Variants in ZSCAN5A observed in about 807,000 individuals in gnomAD.
ZSCAN5A encodes the protein zinc finger and SCAN domain containing 5A.
Under a neutral mutation model 23.7 loss-of-function variants are expected in ZSCAN5A, and 12 were observed. The observed-to-expected ratio is 0.51, with a 90% CI of 0.32 to 0.82. The LOEUF (loss-of-function observed/expected upper bound fraction) is 0.82. ZSCAN5A is among the 40% of genes least tolerant of loss of function. The pLI is 0.03. For missense variants in ZSCAN5A, 597 were observed against 617.9 expected (o/e 0.97, Z 0.36); for synonymous variants, 257 against 239.9 (o/e 1.07, Z -0.66).
chr19:56,281,882 G>A (rs2038737695), intron 2 of ZSCAN5A, among the ~76,000 whole-genome samples: 1 of 152,182 alleles, frequency 6.6e-6, no homozygotes, highest in African/African-American at 2.4e-5. Flanking sequence ...GGTGGGAACG[G>A]TGCAACTGGA....
chr19:56,292,877 T>C (rs549351222), intron 2 of ZSCAN5A, among the ~76,000 whole-genome samples: 13 of 152,350 alleles, frequency 8.5e-5, no homozygotes, highest in South Asian at 4.1e-4. Context: ...TTCAGCCACA[T>C]TGTGGCCTGT....
chr19:56,353,876 G>C (rs547853158), intron 2 of ZSCAN5A, among the ~76,000 whole-genome samples: 21 of 152,204 alleles, frequency 1.4e-4, no homozygotes, highest in Admixed American at 5.2e-4. Context: ...ACAGCCCAAA[G>C]GTGGAAGCAG....
chr19:56,241,176 C>T (rs541786418), intron 2 of ZSCAN5A, among the ~76,000 whole-genome samples: 2 of 152,346 alleles, frequency 1.3e-5, no homozygotes, highest in East Asian at 1.9e-4. Context: ...AACCCGCATA[C>T]CTGCCTTTAT....
chr19:56,323,348 A>AT (rs1039263943), intron 2 of ZSCAN5A, among the ~76,000 whole-genome samples: 1 of 151,618 alleles, frequency 6.6e-6, no homozygotes, highest in African/African-American at 2.4e-5. Context: ...TGCATAGTTT[A>AT]TTTTTTGTAG....
intron 2 of ZSCAN5A, among the ~76,000 whole-genome samples, chr19:56,269,159 G>A (rs2037670644): frequency 6.6e-6 from 1 of 152,024 alleles, no homozygotes; most frequent in African/African-American, 2.4e-5. Flanking sequence ...GGACTTTCAG[G>A]GTTATACGGT....
intron 2 of ZSCAN5A, among the ~76,000 whole-genome samples, chr19:56,227,933 C>T (rs954674141): frequency 6.6e-6 from 1 of 152,026 alleles, no homozygotes; most frequent in Non-Finnish European, 1.5e-5. Flanking sequence ...TGGCATATGC[C>T]TGTAGTCCCA....
At chr19:56,307,326 C>T (rs1352788462) in intron 2 of ZSCAN5A, among the ~76,000 whole-genome samples, 1 of 152,174 alleles carries the variant, frequency 6.6e-6, no homozygotes, top group Non-Finnish European at 1.5e-5. Context: ...TGCAGTCCTG[C>T]TTAAATCCAC....
intron 2 of ZSCAN5A, among the ~76,000 whole-genome samples, chr19:56,329,158 G>A (rs1266557632): frequency 1.3e-5 from 2 of 152,012 alleles, no homozygotes; most frequent in Non-Finnish European, 2.9e-5. Flanking sequence ...AGACCAACCT[G>A]GCTAACATGG....
rs1428510529 is a variant in ZSCAN5A at position 56,351,797 on chromosome 19, C to T, written c.-358+11438G>A. Among the ~76,000 whole-genome samples the T allele has an allele frequency of 6.6e-6, 1 of 152,114 alleles. No homozygotes were observed. Among genetic ancestry groups the T allele is most frequent in the Non-Finnish European group, 1.5e-5 (1 of 68,032 alleles). On this transcript the variant is annotated intron_variant, in intron 2 of 6. Coordinates refer to the ZSCAN5A transcript ENST00000587340. The surrounding 1 kb of genome is among the most constrained non-coding windows in gnomAD (Gnocchi z 4.8). ...TGTCGCAGAACAAGAAAAGTGGTGC[C>T]GCTAAGATTGCACAGGTGCAGCGAA...
chr19:56,361,157 A>G (rs2041731471), intron 2 of ZSCAN5A, among the ~76,000 whole-genome samples: 1 of 152,244 alleles, frequency 6.6e-6, no homozygotes, highest in South Asian at 2.1e-4. Context: ...ACAATGAGAT[A>G]CCATCTCACA....
chr19:56,282,072 G>A (rs957321557), intron 2 of ZSCAN5A, among the ~76,000 whole-genome samples: 2 of 152,154 alleles, frequency 1.3e-5, no homozygotes, highest in African/African-American at 2.4e-5. Flanking sequence ...GTTAGATTGT[G>A]TGTATTTATT....
intron 2 of ZSCAN5A, among the ~76,000 whole-genome samples, chr19:56,325,900 A>C (rs2041427908): frequency 6.6e-6 from 1 of 151,866 alleles, no homozygotes; most frequent in Non-Finnish European, 1.5e-5. Flanking sequence ...ATATATTTAG[A>C]GTGTACAATG....
At chr19:56,224,022 T>A (rs1208075796) in intron 3 of ZSCAN5A, among the ~76,000 whole-genome samples, 188 bp from the exon 4 acceptor site, 1 of 151,706 alleles carries the variant, frequency 6.6e-6, no homozygotes, top group Admixed American at 6.6e-5. Context: ...CTCCAGCACC[T>A]GCCTGCGCCT....
chr19:56,311,700 T>C (rs2041048723), intron 2 of ZSCAN5A, among the ~76,000 whole-genome samples: 1 of 152,188 alleles, frequency 6.6e-6, no homozygotes, highest in African/African-American at 2.4e-5. Context: ...ACGATACATG[T>C]GCAGGCTGTG....
intron 2 of ZSCAN5A, among the ~76,000 whole-genome samples, chr19:56,333,020 A>C (rs1179364668): frequency 6.6e-6 from 1 of 152,036 alleles, no homozygotes; most frequent in Admixed American, 6.5e-5. Context: ...TTCTGCTGAG[A>C]AGTCTGCTGT....
At chr19:56,357,083 T>A (rs749711019) in intron 2 of ZSCAN5A, among the ~76,000 whole-genome samples, 8 of 148,784 alleles carry the variant, frequency 5.4e-5, no homozygotes, top group Non-Finnish European at 1.0e-4. Context: ...TAGGCCTCCA[T>A]TTTTTGGATG....
In ZSCAN5A at chr19:56,320,010, A is replaced by G; in HGVS notation, c.-357-3742T>C. On this transcript the variant is annotated intron_variant, in intron 2 of 6. Transcript: ENST00000587340. ...TGGACATTGATACTCTCTAATACAC[A>G]TGGAACATCAACAATGGTAATAAAG... 11 of 872,246 alleles carry G rather than the reference A, an allele frequency of 1.3e-5. No individual in the cohort carries two copies. The South Asian group carries it at 1.3e-4, about 10-fold the overall frequency. 54.0% of individuals were successfully genotyped at this position (872,246 alleles called of 1,614,324 possible).
intron 2 of ZSCAN5A, among the ~76,000 whole-genome samples, chr19:56,327,332 G>T (rs2041443976): frequency 6.6e-6 from 1 of 151,838 alleles, no homozygotes; most frequent in Non-Finnish European, 1.5e-5. Context: ...TCTCAGGCTG[G>T]TCTCGAACTC....
intron 2 of ZSCAN5A, chr19:56,363,165 G>A (rs1020867593): frequency 6.6e-6 from 1 of 152,144 alleles, no homozygotes; most frequent in African/African-American, 2.4e-5. Context: ...GATATGACAA[G>A]AGCACACAGA....
Sources: gnomAD v4.1 joint callset for allele counts (sites outside exome capture counted in the v4.1 genomes callset) on GRCh38, gnomAD v4.1.1 for gene constraint, Gnocchi (gnomAD v3.1) non-coding constraint, MANE v1.5 for transcripts, NCBI Gene and HGNC (gene_info 2026-07-23, HGNC 2026-07-21) for gene names.